Variants in KIF26B observed in about 807,000 individuals in gnomAD.
KIF26B encodes the protein kinesin family member 26B.
Under a neutral mutation model 151.2 loss-of-function variants are expected in KIF26B, and 63 were observed. That is an observed-to-expected ratio of 0.42 (90% confidence interval 0.34 to 0.51). KIF26B has a LOEUF of 0.51. Ranked by LOEUF, KIF26B falls within the 20% of genes least tolerant of loss-of-function variation. KIF26B has a pLI of 0.07. For missense variants in KIF26B, 2,813 were observed against 2,913.6 expected, an observed-to-expected ratio of 0.97 and a Z score of 0.79; for synonymous variants, 1,357 against 1,262.1, an observed-to-expected ratio of 1.08 and a Z score of -1.59.
rs1191410396 is a variant in KIF26B at position 245,244,388 on chromosome 1, T to C, written c.465+87705T>C. On this transcript the variant is annotated intron_variant, in intron 2 of 14. Coordinates refer to ENST00000407071, the MANE Select transcript of KIF26B (RefSeq NM_018012.4). This position sits in a 1 kb window ranked among gnomAD's most constrained non-coding sequence, Gnocchi z 4.2. ...AAATATGGAATGACGTCTTGCATAT[T>C]GTCATGATATGTAGTGGGTGGGTAA... Among the ~76,000 whole-genome samples, 1 of 152,182 alleles carries C rather than the reference T, an allele frequency of 6.6e-6. No homozygotes were observed. The highest frequency in any genetic ancestry group is 2.4e-5 in the African/African-American group (1 of 41,446).
chr1:245,556,448 G>A (rs549400139), intron 5 of KIF26B, among the ~76,000 whole-genome samples: 3 of 152,048 alleles, frequency 2.0e-5, no homozygotes, highest in Middle Eastern at 3.4e-3. Context: ...CCAGGCTGGA[G>A]TGGAGTGGCG....
chr1:245,304,604 G>A (rs1671501185), intron 2 of KIF26B, among the ~76,000 whole-genome samples: 1 of 152,134 alleles, frequency 6.6e-6, no homozygotes, highest in Admixed American at 6.5e-5. Flanking sequence ...AAAAAATTCA[G>A]ATGTAGCCTA....
At chr1:245,603,517 A>T (rs1253513514) in intron 6 of KIF26B, among the ~76,000 whole-genome samples, 1 of 152,152 alleles carries the variant, frequency 6.6e-6, no homozygotes, top group Non-Finnish European at 1.5e-5. Flanking sequence ...TTGGCTGGAT[A>T]TCAGCCAGGC....
intron 4 of KIF26B, among the ~76,000 whole-genome samples, chr1:245,430,946 G>C (rs2103041558): frequency 6.6e-6 from 1 of 152,330 alleles, no homozygotes; most frequent in East Asian, 1.9e-4. Context: ...GGGGACATTT[G>C]TGTCTTTGTT....
rs1258352556 is a variant in KIF26B, at chr1:245,703,375, AG to A, written c.*771del. 1 of 152,264 alleles carries A rather than the reference AG, an allele frequency of 6.6e-6. No homozygotes were observed. The highest frequency in any genetic ancestry group is 1.9e-4 in the East Asian group (1 of 5,186). The allele number at this position is 152,264 out of a possible 1,614,324, so 9.4% of individuals were successfully genotyped here. A position where few individuals can be genotyped will look rare whatever the true frequency, so the allele number is the denominator to read the frequency against. On this transcript the variant is annotated 3_prime_UTR_variant, in exon 15 of 15. Coordinates refer to ENST00000407071, the MANE Select transcript of KIF26B (RefSeq NM_018012.4). ...CCACATCCCAACAAGCAGCGTGGTC[AG>A]GTAGACCCAGAAGGTTGATTGTGGG...
intron 2 of KIF26B, among the ~76,000 whole-genome samples, chr1:245,194,440 C>T (rs562882482): frequency 6.6e-6 from 1 of 152,204 alleles, no homozygotes; most frequent in African/African-American, 2.4e-5. Context: ...CCTCATGCAG[C>T]GGTGCAAACT....
chr1:245,291,761 G>A (rs548575838), intron 2 of KIF26B, among the ~76,000 whole-genome samples: 1 of 152,222 alleles, frequency 6.6e-6, no homozygotes, highest in Non-Finnish European at 1.5e-5. Flanking sequence ...TGCGACCTAA[G>A]AGGTGGGTAG....
At chr1:245,536,609 G>A (rs1661491842) in intron 4 of KIF26B, among the ~76,000 whole-genome samples, 1 of 152,206 alleles carries the variant, frequency 6.6e-6, no homozygotes, top group African/African-American at 2.4e-5. Flanking sequence ...GCTAAAAGCA[G>A]CAATGATCAT....
chr1:245,595,288 T>C (rs1270672793), intron 5 of KIF26B, among the ~76,000 whole-genome samples: 2 of 152,220 alleles, frequency 1.3e-5, no homozygotes, highest in African/African-American at 4.8e-5. Flanking sequence ...AGTATGATAT[T>C]GGCTGTGGGT....
chr1:245,580,353 G>A (rs895021405), intron 5 of KIF26B, among the ~76,000 whole-genome samples: 12 of 152,184 alleles, frequency 7.9e-5, no homozygotes, highest in African/African-American at 2.2e-4. Flanking sequence ...GATACTACCC[G>A]AGTGAGCAGG....
chr1:245,661,009 C>CA lies in KIF26B; in HGVS notation c.2258+14730dup, dbSNP rs1165954553. On this transcript the variant is annotated intron_variant, in intron 10 of 14. Coordinates refer to ENST00000407071, the MANE Select transcript of KIF26B (RefSeq NM_018012.4). Reference sequence around the variant, plus strand: ...TTTTTCTTTTTTTTTTTTTTGGAGACAGAGTCTCACTCTGTTGTCCGGGCT... The same window carrying CA: ...TTTTTCTTTTTTTTTTTTTTGGAGACAAGAGTCTCACTCTGTTGTCCGGGCT... 1.2e-4 allele frequency among the ~76,000 whole-genome samples: 17 copies of CA among 143,592 alleles called. 1 individual carries two copies. The East Asian group carries it at 1.7e-3, about 14-fold the overall frequency. The allele number at this position is 143,592 out of a possible 152,430, so 94.2% of individuals were successfully genotyped here. A position where few individuals can be genotyped will look rare whatever the true frequency, so the allele number is the denominator to read the frequency against.
chr1:245,331,746 C>A (rs1672119448), intron 2 of KIF26B, among the ~76,000 whole-genome samples: 2 of 152,154 alleles, frequency 1.3e-5, no homozygotes, highest in South Asian at 4.1e-4. Flanking sequence ...AGTAATAAGA[C>A]AATGTACAAA....
rs1460472486 is a variant in KIF26B, at chr1:245,457,177, T to TA, written c.1166+37432_1166+37433insA. On this transcript the variant is annotated intron_variant, in intron 4 of 14. Transcript: ENST00000407071. ...CACTGCACCCAGCCCATAAATGCTT[T>TA]TTTAATGAGAGAATGACCTATTATC... Among the ~76,000 whole-genome samples, 88 of 152,378 alleles carry TA rather than the reference T, an allele frequency of 5.8e-4. 1 individual carries two copies. The East Asian group carries it at 7.5e-3, about 13-fold the overall frequency.
chr1:245,543,737 CAG>C (rs1390610760), intron 5 of KIF26B, among the ~76,000 whole-genome samples: 5 of 152,146 alleles, frequency 3.3e-5, no homozygotes, highest in Non-Finnish European at 5.9e-5. Flanking sequence ...ATCACGAGGT[CAG>C]GGGTTCGAGA....
Position 245,318,689 on chromosome 1 carries a change from G to A in KIF26B, c.466-48145G>A, listed in dbSNP as rs973149489. ...GCATCAGAGTTCCAGAGTGAAAGGT[G>A]GCTCTGAAAACTTTGCAAACTGTAC... is the stretch of plus-strand genomic sequence containing the variant. On this transcript the variant is annotated intron_variant, in intron 2 of 14. Transcript: ENST00000407071. The surrounding 1 kb of genome is among the most constrained non-coding windows in gnomAD (Gnocchi z 4.0). 1.3e-5 allele frequency among the ~76,000 whole-genome samples: 2 copies of A among 152,082 alleles called. No individual in the cohort carries two copies. Among genetic ancestry groups the A allele is most frequent in the Non-Finnish European group, 2.9e-5 (2 of 68,034 alleles).
Position 245,404,612 on chromosome 1 carries a change from G to A in KIF26B, c.1000-14967G>A, listed in dbSNP as rs1009183104. The stretch of plus-strand genomic sequence containing the variant: ...ATGCAGAATAGAAGAGAAAACCAGC[G>A]TCTTAAATGAACAGAGGAGAAATTT... On this transcript the variant is annotated intron_variant, in intron 3 of 14. Coordinates refer to ENST00000407071, the MANE Select transcript of KIF26B (RefSeq NM_018012.4). Among the ~76,000 whole-genome samples, 9 of 152,186 alleles carry A rather than the reference G, an allele frequency of 5.9e-5. No homozygotes were observed. In the South Asian group the frequency reaches 6.2e-4, roughly 10 times the overall value.
chr1:245,174,937 CT>C (rs1668777716), intron 2 of KIF26B, among the ~76,000 whole-genome samples: 1 of 152,184 alleles, frequency 6.6e-6, no homozygotes, highest in Admixed American at 6.5e-5. Flanking sequence ...ACCATGGTGT[CT>C]GGCCACAGAT....
At chr1:245,612,105 T>TGTGTGTGA (rs764505406) in intron 9 of KIF26B, 129 bp downstream of exon 9, 21 of 312,670 alleles carry the variant, frequency 6.7e-5, no homozygotes, top group Admixed American at 5.4e-4. Context: ...TGTGTGTGTG[T>TGTGTGTGA]GAGAGAGAGA....
In KIF26B at chr1:245,189,277, A is replaced by G. The variant is rs1024934405; in HGVS notation, c.465+32594A>G. Among the ~76,000 whole-genome samples the G allele has an allele frequency of 1.3e-5, 2 of 152,238 alleles. 1 individual carries two copies. Among genetic ancestry groups the G allele is most frequent in the South Asian group, 4.1e-4 (2 of 4,830 alleles). On this transcript the variant is annotated intron_variant, in intron 2 of 14. Transcript: ENST00000407071. Reference sequence around the variant, plus strand: ...TGCTTTTGTTCAAATCCTGGGAAATATGATATAATAAATCTCTTCTTATGT... The same window carrying G: ...TGCTTTTGTTCAAATCCTGGGAAATGTGATATAATAAATCTCTTCTTATGT...
Sources: gnomAD v4.1 joint callset for allele counts (sites outside exome capture counted in the v4.1 genomes callset) on GRCh38, gnomAD v4.1.1 for gene constraint, Gnocchi (gnomAD v3.1) non-coding constraint, MANE v1.5 for transcripts, NCBI Gene and HGNC (gene_info 2026-07-23, HGNC 2026-07-21) for gene names.